The following KSR1 variants were observed in gnomAD, a reference collection of about 807,000 sequenced individuals.
The protein encoded by KSR1 is kinase suppressor of ras 1.
KSR1 carries 35 observed loss-of-function variants against 92.9 expected under a neutral mutation model. The ratio of observed to expected loss-of-function variants is 0.38; its 90% CI spans 0.29 to 0.50. The LOEUF (loss-of-function observed/expected upper bound fraction) is 0.50. KSR1 is among the 20% of genes least tolerant of loss of function. The pLI is 0.94. For synonymous variants in KSR1, 467 were observed against 472.6 expected, an observed-to-expected ratio of 0.99 and a Z score of 0.15; for missense variants, 972 against 1,158.5, an observed-to-expected ratio of 0.84 and a Z score of 2.34.
intron 1 of KSR1, among the ~76,000 whole-genome samples, chr17:27,461,112 C>T (rs1411676202): frequency 6.6e-6 from 1 of 152,112 alleles, no homozygotes; most frequent in Non-Finnish European, 1.5e-5. Context: ...GTCAGAGTCC[C>T]ACTCTGTCGC....
At chr17:27,509,442 C>T (rs2069516061) in intron 1 of KSR1, among the ~76,000 whole-genome samples, 1 of 152,130 alleles carries the variant, frequency 6.6e-6, no homozygotes. Context: ...AGGCACCTGC[C>T]ACCACGCCCG....
intron 1 of KSR1, among the ~76,000 whole-genome samples, chr17:27,480,336 A>G (rs966517622): frequency 6.6e-6 from 1 of 152,128 alleles, no homozygotes; most frequent in Non-Finnish European, 1.5e-5. Flanking sequence ...ACCTCCCTAG[A>G]ATGAAAGCTC....
At chr17:27,484,929 GCTC>G (rs1166925517) in intron 1 of KSR1, among the ~76,000 whole-genome samples, 1 of 152,202 alleles carries the variant, frequency 6.6e-6, no homozygotes, top group Non-Finnish European at 1.5e-5. Flanking sequence ...ATGTGAATAG[GCTC>G]CTTTACCAAC....
Position 27,559,768 on chromosome 17 carries a change from G to A in KSR1, c.372+9060G>A, listed in dbSNP as rs1035726536. On this transcript the variant is annotated intron_variant, in intron 2 of 20. Transcript: ENST00000644974. This position sits in a 1 kb window ranked among gnomAD's most constrained non-coding sequence, Gnocchi z 4.2. The stretch of plus-strand genomic sequence containing the variant: ...CCGGGAAGGCAAGAGCACACCAGGC[G>A]GAGGGAAGAATATCTGCAGAGACCC... 3.3e-5 allele frequency among the ~76,000 whole-genome samples: 5 copies of A among 152,230 alleles called. No homozygotes were observed. In the East Asian group the frequency reaches 5.8e-4, roughly 18 times the overall value.
At chr17:27,562,111 G>T (rs1301188151) in intron 2 of KSR1, among the ~76,000 whole-genome samples, 1 of 152,184 alleles carries the variant, frequency 6.6e-6, no homozygotes, top group African/African-American at 2.4e-5. Context: ...CTCCCAAAGT[G>T]CTGGGATTAC....
At chr17:27,581,892 A>C (rs1004310408) in intron 3 of KSR1, among the ~76,000 whole-genome samples, 5 of 152,234 alleles carry the variant, frequency 3.3e-5, no homozygotes, top group Non-Finnish European at 7.3e-5. Context: ...AGGCTGGTGT[A>C]GAAGGAAGTG....
At chr17:27,491,708 T>C (rs2068837763) in intron 1 of KSR1, among the ~76,000 whole-genome samples, 1 of 152,190 alleles carries the variant, frequency 6.6e-6, no homozygotes. Flanking sequence ...CTGGTCATCA[T>C]AGAGGTGAGA....
chr17:27,594,636 A>G (rs1034898707), intron 9 of KSR1, among the ~76,000 whole-genome samples: 1 of 152,152 alleles, frequency 6.6e-6, no homozygotes, highest in Non-Finnish European at 1.5e-5. Context: ...GAAGGTTGCT[A>G]TGATAACATA....
chr17:27,470,933 C>T (rs886132731), intron 1 of KSR1, among the ~76,000 whole-genome samples: 3 of 151,812 alleles, frequency 2.0e-5, no homozygotes, highest in African/African-American at 7.3e-5. Flanking sequence ...TGCAGTGGCA[C>T]AATCTTGGGT....
At chr17:27,508,373 G>T (rs1879919) in intron 1 of KSR1, among the ~76,000 whole-genome samples, 37,717 of 152,072 alleles carry the variant, frequency 0.25, 4,883 homozygotes, top group Admixed American at 0.35. Context: ...TCATCCCTCT[G>T]AATCCTCCCA....
At chr17:27,497,196 C>T (rs1228084355) in intron 1 of KSR1, among the ~76,000 whole-genome samples, 1 of 152,192 alleles carries the variant, frequency 6.6e-6, no homozygotes, top group Non-Finnish European at 1.5e-5. Flanking sequence ...TTTATGTTAT[C>T]GGTAACCCAT....
chr17:27,533,541 G>C (rs755161116), intron 1 of KSR1, among the ~76,000 whole-genome samples: 1 of 152,004 alleles, frequency 6.6e-6, no homozygotes, highest in Non-Finnish European at 1.5e-5. Context: ...ACACCACCAT[G>C]CCCAGCTAAT....
chr17:27,621,979 C>A, intron 20 of KSR1: 1 of 1,602,698 alleles, frequency 6.2e-7, no homozygotes, highest in Non-Finnish European at 8.5e-7. Flanking sequence ...TCCTCCTAAT[C>A]AACAACTCAG....
intron 1 of KSR1, among the ~76,000 whole-genome samples, chr17:27,526,044 T>TTTCTTTTCTTTC (rs1555576232): frequency 8.1e-6 from 1 of 122,878 alleles, no homozygotes; most frequent in African/African-American, 3.4e-5. Context: ...TTTCTTTTCT[T>TTTCTTTTCTTTC]TCTCTCTCTC....
intron 1 of KSR1, among the ~76,000 whole-genome samples, chr17:27,473,035 C>A (rs1172865117): frequency 6.6e-6 from 1 of 152,212 alleles, no homozygotes; most frequent in African/African-American, 2.4e-5. Flanking sequence ...TCCCAGATAG[C>A]TGGGACCACA....
At position 27,625,110 on chromosome 17, in the gene KSR1, T is replaced by C. The variant is rs1442394869; in HGVS notation, c.*1718T>C. On this transcript the variant is annotated 3_prime_UTR_variant, in exon 21 of 21. Transcript: ENST00000644974. ...TGCTCATTTTGCCCCATCATCCCTT[T>C]GGCCTCCCACACACCTGCCCCTTCC... 6.6e-6 allele frequency: 1 copy of C among 152,378 alleles called. No individual in the cohort carries two copies. The highest frequency in any genetic ancestry group is 1.5e-5 in the Non-Finnish European group (1 of 68,144). 9.4% of individuals were successfully genotyped at this position (152,378 alleles called of 1,614,324 possible).
intron 20 of KSR1, chr17:27,621,862 C>G (rs1185695429): frequency 6.4e-7 from 1 of 1,564,914 alleles, no homozygotes; most frequent in African/African-American, 1.4e-5. Flanking sequence ...CTCTAGCTCC[C>G]GACAGGCTCT....
At chr17:27,616,495 T>C (rs1567894113) in intron 18 of KSR1, among the ~76,000 whole-genome samples, 1 of 152,136 alleles carries the variant, frequency 6.6e-6, no homozygotes, top group African/African-American at 2.4e-5. Flanking sequence ...CACACAAATG[T>C]ACACACACAC....
intron 5 of KSR1, chr17:27,585,988 G>T (rs1349884455): frequency 1.6e-5 from 6 of 381,380 alleles, no homozygotes; most frequent in Non-Finnish European, 2.9e-5. Flanking sequence ...TGGCCTGCTG[G>T]GCTGCCACGG....
Sources: gnomAD v4.1 joint callset for allele counts (sites outside exome capture counted in the v4.1 genomes callset) on GRCh38, gnomAD v4.1.1 for gene constraint, Gnocchi (gnomAD v3.1) non-coding constraint, MANE v1.5 for transcripts, NCBI Gene and HGNC (gene_info 2026-07-23, HGNC 2026-07-21) for gene names.